ZNF676: variants seen among roughly 807,000 people sequenced by gnomAD.
The protein encoded by ZNF676 is zinc finger protein 676.
ZNF676 carries 4 observed loss-of-function variants against 6.0 expected under a neutral mutation model. The observed-to-expected ratio is 0.67, with a 90% CI of 0.33 to 1.53. The LOEUF is 1.53. Ranked by LOEUF, ZNF676 falls within the 40% of genes most tolerant of loss-of-function variation. The probability of loss-of-function intolerance (pLI) is 0.06; values close to 1 mark genes in which losing one functional copy is unlikely to be tolerated. For synonymous variants in ZNF676, 198 were observed against 223.1 expected (o/e 0.89, Z 1.00); for missense variants, 644 against 679.7 (o/e 0.95, Z 0.58).
chr19:22,193,769 GCCTGATCCA>G (rs2023939176), intron 1 of ZNF676, among the ~76,000 whole-genome samples: 1 of 152,030 alleles, frequency 6.6e-6, no homozygotes, highest in Admixed American at 6.6e-5. Context: ...TTACTGTGAG[GCCTGATCCA>G]AACAATCTGC....
At chr19:22,215,801 C>CT (rs141504820), upstream of ZNF676, 3,538 of 693,538 alleles carry the variant, frequency 5.1e-3, 25 homozygotes, top group Non-Finnish European at 6.6e-3. Flanking sequence ...GACCTGTCCC[C>CT]CCCCCCAGCT....
chr19:22,215,509 G>T, intron 1 of ZNF676: 3 of 1,169,216 alleles, frequency 2.6e-6, no homozygotes, highest in South Asian at 1.3e-5. Context: ...GACTGAGGTC[G>T]AGCTAGGCAA....
chr19:22,258,488 GC>G, the ZNF676 span, among the ~76,000 whole-genome samples: 9 of 152,188 alleles, frequency 5.9e-5, no homozygotes, highest in African/African-American at 2.2e-4. Flanking sequence ...TTATCTAGGT[GC>G]TGGACCTGGC....
At chr19:22,209,489 A>C (rs1263181361) in intron 1 of ZNF676, among the ~76,000 whole-genome samples, 4 of 152,124 alleles carry the variant, frequency 2.6e-5, no homozygotes, top group Admixed American at 2.6e-4. Flanking sequence ...AAAGACACTG[A>C]GGCCTAGTTG....
At chr19:22,233,972 T>A in the ZNF676 span, among the ~76,000 whole-genome samples, 3 of 152,230 alleles carry the variant, frequency 2.0e-5, no homozygotes, top group South Asian at 6.2e-4. Flanking sequence ...CCAAATTTCT[T>A]TGTCACCAAT....
chr19:22,200,961 T>G (rs1056193680), upstream of ZNF676, among the ~76,000 whole-genome samples: 5 of 152,142 alleles, frequency 3.3e-5, no homozygotes, highest in Non-Finnish European at 1.5e-5. Flanking sequence ...GTTCTGGACA[T>G]TCTCAAATGT....
the ZNF676 span, among the ~76,000 whole-genome samples, chr19:22,234,360 A>G: frequency 6.6e-6 from 1 of 152,118 alleles, no homozygotes; most frequent in Admixed American, 6.6e-5. Context: ...TGGGCATTTG[A>G]GCCACTTCCT....
chr19:22,181,536 C>A lies in ZNF676; in HGVS notation c.181G>T (p.Asp61Tyr), dbSNP rs568114767. 2 of 1,608,232 alleles carry A rather than the reference C, an allele frequency of 1.2e-6. No homozygotes were observed. The highest frequency in any genetic ancestry group is 3.4e-5 in the Admixed American group (2 of 59,212). The change falls in exon 3 of 3, where the codon GAT (aspartate) becomes TAT (tyrosine). Residue 61 changes from aspartate (D) to tyrosine (Y), a missense_variant. Asp to Tyr is a radical substitution (Grantham distance 160). Transcript: ENST00000397121. ...QEFWPEQGIE[D>Y]SFQKMILRRY... Reference sequence around the variant, plus strand: ...CTCAATATCATTTTTTGGAAAGAATCTTCTATGCCTTGCTCTGGCCAAAAC... The same window carrying A: ...CTCAATATCATTTTTTGGAAAGAATATTCTATGCCTTGCTCTGGCCAAAAC...
At chr19:22,235,175 T>A in the ZNF676 span, among the ~76,000 whole-genome samples, 3 of 150,690 alleles carry the variant, frequency 2.0e-5, no homozygotes, top group African/African-American at 7.4e-5. Flanking sequence ...AAAAAAACTC[T>A]AGAGGCCTCT....
chr19:22,185,427 G>A (rs1019205600), intron 2 of ZNF676, among the ~76,000 whole-genome samples: 5 of 151,752 alleles, frequency 3.3e-5, no homozygotes, highest in African/African-American at 1.2e-4. Context: ...AGTGCAAAAA[G>A]GCTGAAAATT....
the ZNF676 span, chr19:22,243,700 G>A: frequency 2.0e-5 from 3 of 149,926 alleles, no homozygotes; most frequent in Non-Finnish European, 2.9e-5. Flanking sequence ...AGTTGGCAAG[G>A]TCCAGATTAC....
At chr19:22,234,444 A>C in the ZNF676 span, among the ~76,000 whole-genome samples, 1 of 152,228 alleles carries the variant, frequency 6.6e-6, no homozygotes, top group Non-Finnish European at 1.5e-5. Flanking sequence ...TGATGATGGA[A>C]TGCTGTTGTG....
the ZNF676 span, among the ~76,000 whole-genome samples, chr19:22,254,223 G>A: frequency 4.9e-4 from 74 of 152,238 alleles, no homozygotes; most frequent in African/African-American, 1.6e-3. Context: ...ACAGGCAGCA[G>A]AGTCATTTCA....
At chr19:22,223,781 A>G in the ZNF676 span, among the ~76,000 whole-genome samples, 1 of 152,008 alleles carries the variant, frequency 6.6e-6, no homozygotes, top group Non-Finnish European at 1.5e-5. Context: ...ATAATAAAAT[A>G]AGTTCTTCCC....
the ZNF676 span, among the ~76,000 whole-genome samples, chr19:22,253,368 G>GTATATATATATATATATATATATATGAT: frequency 3.4e-5 from 2 of 59,202 alleles, no homozygotes; most frequent in East Asian, 6.6e-4. Flanking sequence ...GTGTGTGTGT[G>GTATATATATATATATATATATATATGAT]TGTGTATATA....
At chr19:22,216,769 G>A (rs1277295681), upstream of ZNF676, among the ~76,000 whole-genome samples, 6 of 150,774 alleles carry the variant, frequency 4.0e-5, no homozygotes, top group East Asian at 2.0e-4. Flanking sequence ...GATTACAGGC[G>A]CCCACCACCA....
chr19:22,186,172 C>A (rs1255602127), intron 2 of ZNF676, among the ~76,000 whole-genome samples: 2 of 152,202 alleles, frequency 1.3e-5, no homozygotes, highest in Admixed American at 6.5e-5. Flanking sequence ...ATCAGACTAA[C>A]AGTGGATCTC....
chr19:22,240,094 G>T, the ZNF676 span, among the ~76,000 whole-genome samples: 3 of 152,280 alleles, frequency 2.0e-5, no homozygotes, highest in South Asian at 4.1e-4. Context: ...TCACATAAAT[G>T]CTGGGCCTGG....
chr19:22,255,084 C>T, the ZNF676 span, among the ~76,000 whole-genome samples: 5 of 152,268 alleles, frequency 3.3e-5, no homozygotes, highest in East Asian at 9.7e-4. Context: ...CAAAGGTGAA[C>T]TGGATCTGTG....
Sources: gnomAD v4.1 joint callset for allele counts (sites outside exome capture counted in the v4.1 genomes callset) on GRCh38, gnomAD v4.1.1 for gene constraint, MANE v1.5 for transcripts, NCBI Gene and HGNC (gene_info 2026-07-23, HGNC 2026-07-21) for gene names.